Variants in SNX5 observed in about 807,000 individuals in gnomAD.
The protein encoded by SNX5 is sorting nexin 5, also known as sorting nexin-5.
Under a neutral mutation model 53.9 loss-of-function variants are expected in SNX5, and 31 were observed. That is an observed-to-expected ratio of 0.58 (90% confidence interval 0.43 to 0.78). The LOEUF (loss-of-function observed/expected upper bound fraction) is 0.78. Among genes scored for constraint, SNX5 ranks in the 30% least tolerant of loss-of-function variants. The probability of loss-of-function intolerance (pLI) is 0.00; values close to 1 mark genes in which losing one functional copy is unlikely to be tolerated. For synonymous variants in SNX5, 168 were observed against 171.1 expected (o/e 0.98, Z 0.14); for missense variants, 471 against 478.8 (o/e 0.98, Z 0.15).
chr20:17,947,313 T>A (rs2039499265), intron 11 of SNX5, 173 bp downstream of exon 11: 2 of 633,176 alleles, frequency 3.2e-6, no homozygotes, highest in South Asian at 4.5e-5. Context: ...GTAACGTTTG[T>A]AAGCACGCAA....
chr20:17,954,553 C>T (rs746001829), intron 3 of SNX5, among the ~76,000 whole-genome samples: 4 of 152,102 alleles, frequency 2.6e-5, no homozygotes, highest in South Asian at 2.1e-4. Flanking sequence ...ATATAAGCTT[C>T]GGTATTAATT....
Position 17,950,004 on chromosome 20 carries a change from G to T in SNX5, c.791+128C>A, listed in dbSNP as rs76714165. ...CAGAGAACATGTAAGATGAGTGCTA[G>T]AGACTTGTCTTACTGAGCTTGTAAC... is the stretch of plus-strand genomic sequence containing the variant. On this transcript the variant is annotated intron_variant, in intron 8 of 12. Transcript: ENST00000377759. The T allele has an allele frequency of 3.0e-3, 2,189 of 728,038 alleles. 27 individuals carry two copies. The African/African-American group carries it at 0.033, about 11-fold the overall frequency. 45.1% of individuals were successfully genotyped at this position (728,038 alleles called of 1,614,324 possible).
At chr20:17,956,363 T>C (rs1372357150) in intron 2 of SNX5, among the ~76,000 whole-genome samples, 1 of 152,310 alleles carries the variant, frequency 6.6e-6, no homozygotes, top group East Asian at 1.9e-4. Flanking sequence ...GAAAGGTCTT[T>C]CCCAATTTAG....
At position 17,968,529 on chromosome 20, in the gene SNX5, C is replaced by T. The variant is rs1056354927; in HGVS notation, c.-104G>A. On this transcript the variant is annotated 5_prime_UTR_variant, in exon 1 of 13. Transcript: ENST00000377759. The stretch of plus-strand genomic sequence containing the variant: ...CGCCTCTCGGGGGCGGCCACGGCCC[C>T]GCCTCCGCCGGCCTCCCTGCCCGAC... 5 of 1,091,220 alleles carry T rather than the reference C, an allele frequency of 4.6e-6. No homozygotes were observed. The Admixed American group carries it at 1.1e-4, about 23-fold the overall frequency. The allele number at this position is 1,091,220 out of a possible 1,614,324, so 67.6% of individuals were successfully genotyped here.
At chr20:17,961,459 G>A (rs1032799529) in intron 1 of SNX5, 50 of 985,236 alleles carry the variant, frequency 5.1e-5, no homozygotes, top group Non-Finnish European at 5.9e-5. Context: ...CCAAAGAAGT[G>A]AAACTCCACA....
intron 1 of SNX5, among the ~76,000 whole-genome samples, chr20:17,964,776 C>CA (rs1348287333): frequency 6.6e-6 from 1 of 152,132 alleles, no homozygotes; most frequent in Non-Finnish European, 1.5e-5. Flanking sequence ...GCTCGAGCAT[C>CA]AAGACCCTGA....
In SNX5 at chr20:17,952,272, G is replaced by A. The variant is rs150530863; in HGVS notation, c.513+315C>T. Among the ~76,000 whole-genome samples the A allele has an allele frequency of 1.6e-3, 237 of 152,264 alleles. 1 individual carries two copies. Among genetic ancestry groups the A allele is most frequent in the African/African-American group, 5.3e-3 (220 of 41,570 alleles). On this transcript the variant is annotated intron_variant, in intron 5 of 12. Coordinates refer to ENST00000377759, the MANE Select transcript of SNX5 (RefSeq NM_014426.4). Reference sequence around the variant, plus strand: ...ATTCAACAAAAAGCGTAGGTGGGAAGAAAATAAATTACACAAATTTTAATT... The same window carrying A: ...ATTCAACAAAAAGCGTAGGTGGGAAAAAAATAAATTACACAAATTTTAATT...
chr20:17,948,451 T>C (rs2039515918), intron 10 of SNX5, among the ~76,000 whole-genome samples: 1 of 152,268 alleles, frequency 6.6e-6, no homozygotes, highest in Admixed American at 6.5e-5. Flanking sequence ...TAATTTTATT[T>C]TGCCTGATTT....
chr20:17,968,604 C>G lies in SNX5; in HGVS notation c.-179G>C. 1 of 633,952 alleles carries G rather than the reference C, an allele frequency of 1.6e-6. No individual in the cohort carries two copies. The highest frequency in any genetic ancestry group is 1.6e-5 in the South Asian group (1 of 60,824). The allele number at this position is 633,952 out of a possible 1,614,324, so 39.3% of individuals were successfully genotyped here. A position where few individuals can be genotyped will look rare whatever the true frequency, so the allele number is the denominator to read the frequency against. On this transcript the variant is annotated 5_prime_UTR_variant, in exon 1 of 13. Transcript: ENST00000377759. The stretch of plus-strand genomic sequence containing the variant: ...GCCACCATCCCAGCTGCCCCGGGAG[C>G]AGGCGAGCAGGGCGCCACGTGCTCC...
intron 1 of SNX5, among the ~76,000 whole-genome samples, chr20:17,959,573 T>C (rs905034866): frequency 1.3e-5 from 2 of 152,174 alleles, no homozygotes; most frequent in Admixed American, 6.5e-5. Flanking sequence ...AATAATGCAA[T>C]GTTGTATTTG....
In SNX5 at chr20:17,956,937, G is replaced by C. The variant is rs754353468; in HGVS notation, c.152C>G (p.Thr51Arg). ...TTACCACTGCATGTTACTTACCTTT[G>C]TGTGCACTGTAAATTTGACTTTGTC... ...ERDKVKFTVH[T>R]KTTLPTFQSP... Residue 51 changes from threonine (T) to arginine (R), a missense_variant, in exon 2 of 13, where the codon ACA becomes AGA. By Grantham distance (71) the Thr-to-Arg change is moderately conservative. Transcript: ENST00000377759. 3 of 1,532,282 alleles carry C rather than the reference G, an allele frequency of 2.0e-6. No individual in the cohort carries two copies. The highest frequency in any genetic ancestry group is 2.7e-6 in the Non-Finnish European group (3 of 1,106,442). The allele number at this position is 1,532,282 out of a possible 1,614,324, so 94.9% of individuals were successfully genotyped here. A position where few individuals can be genotyped will look rare whatever the true frequency, so the allele number is the denominator to read the frequency against.
intron 1 of SNX5, among the ~76,000 whole-genome samples, chr20:17,965,368 G>C (rs1402195267): frequency 6.6e-6 from 1 of 152,122 alleles, no homozygotes; most frequent in Non-Finnish European, 1.5e-5. Context: ...CTCTAGTTTA[G>C]ATGACCACTA....
chr20:17,962,439 G>A (rs1427718447), intron 1 of SNX5, among the ~76,000 whole-genome samples: 3 of 151,864 alleles, frequency 2.0e-5, no homozygotes, highest in Non-Finnish European at 4.4e-5. Context: ...TCCTGACCTC[G>A]TGATCTGCCC....
intron 1 of SNX5, among the ~76,000 whole-genome samples, chr20:17,964,203 G>A (rs548637055): frequency 7.2e-5 from 11 of 152,250 alleles, no homozygotes; most frequent in East Asian, 1.9e-4. Context: ...CTAGCTCTGC[G>A]GTGCTCTTGA....
intron 11 of SNX5, chr20:17,944,827 G>A (rs575998719): frequency 2.2e-4 from 33 of 152,362 alleles, no homozygotes; most frequent in African/African-American, 7.2e-4. Context: ...TTACAGGCGT[G>A]AGCCACTGCA....
intron 12 of SNX5, 100 bp from the exon 13 acceptor site, chr20:17,942,507 A>T (rs1249957478): frequency 1.1e-6 from 1 of 893,456 alleles, no homozygotes; most frequent in South Asian, 1.3e-5. Context: ...CGGGAGGTTT[A>T]AAGTCAGCCA....
chr20:17,964,279 T>C (rs1013533021), intron 1 of SNX5, among the ~76,000 whole-genome samples: 16 of 152,128 alleles, frequency 1.1e-4, no homozygotes, highest in Non-Finnish European at 1.8e-4. Flanking sequence ...TTACCATGAC[T>C]AGAATGCTTA....
intron 11 of SNX5, chr20:17,945,632 A>T (rs537084357): frequency 6.6e-6 from 1 of 152,258 alleles, no homozygotes; most frequent in East Asian, 1.9e-4. Context: ...AAAAAAAAAA[A>T]AAGCTGTAAT....
rs199902705 is a variant in SNX5, at chr20:17,955,462, G to A, written c.170C>T (p.Thr57Met). The A allele has an allele frequency of 2.9e-4, 465 of 1,613,652 alleles. No individual in the cohort carries two copies. Among genetic ancestry groups the A allele is most frequent in the Middle Eastern group, 1.8e-3 (11 of 6,062 alleles). ...AACAGAAAACTCTGGGCTCTGAAAC[G>A]TGGGCAGTGTGGTCTGTAAAGAAAG... is the stretch of plus-strand genomic sequence containing the variant. The part of the protein sequence containing the change: ...FTVHTKTTLP[T>M]FQSPEFSVTR... Residue 57 changes from threonine to methionine, a missense_variant, in exon 3 of 13, where the codon ACG (threonine) becomes ATG (methionine). Physicochemically the swap from Thr to Met is moderately conservative, Grantham distance 81. Transcript: ENST00000377759.
Sources: allele counts gnomAD v4.1 joint callset (sites outside exome capture counted in the v4.1 genomes callset), GRCh38; gene constraint gnomAD v4.1.1; transcripts MANE v1.5; gene names NCBI Gene and HGNC (gene_info 2026-07-23, HGNC 2026-07-21).